GLIS1: variants seen among roughly 807,000 people sequenced by gnomAD.
GLIS1 encodes the protein zinc finger protein GLIS1.
Under a neutral mutation model 63.8 loss-of-function variants are expected in GLIS1, and 24 were observed. That is an observed-to-expected ratio of 0.38 (90% CI 0.27 to 0.53). GLIS1 has a LOEUF of 0.53. Among genes scored for constraint, GLIS1 ranks in the 20% least tolerant of loss-of-function variants. The pLI is 0.85. For synonymous variants in GLIS1, 450 were observed against 482.5 expected (o/e 0.93, Z 0.88); for missense variants, 1,036 against 1,074.1 (o/e 0.96, Z 0.50).
chr1:53,675,616 C>T (rs1646202821), intron 2 of GLIS1, among the ~76,000 whole-genome samples: 1 of 152,170 alleles, frequency 6.6e-6, no homozygotes, highest in South Asian at 2.1e-4. Context: ...TGTCACTGAC[C>T]ACCTCTCACA....
intron 4 of GLIS1, among the ~76,000 whole-genome samples, chr1:53,530,920 G>A (rs1644523218): frequency 6.6e-6 from 1 of 152,246 alleles, no homozygotes; most frequent in African/African-American, 2.4e-5. Context: ...GGTGGGAGGA[G>A]GGGACCAGCG....
chr1:53,691,350 C>T (rs960757782), intron 2 of GLIS1, among the ~76,000 whole-genome samples: 1 of 152,176 alleles, frequency 6.6e-6, no homozygotes, highest in Non-Finnish European at 1.5e-5. Flanking sequence ...ATCATCCCCC[C>T]TCCCACCACC....
rs538716078 is a variant in GLIS1, at chr1:53,644,893, G to A, written c.260-44615C>T. 1.9e-4 allele frequency among the ~76,000 whole-genome samples: 29 copies of A among 152,302 alleles called. No individual in the cohort carries two copies. The South Asian group carries it at 5.0e-3, about 26-fold the overall frequency. ...GTATAAAAGGATCACGCAGGCTGCT[G>A]TGCTGAAAGCAGACTGTCTCGCTTA... On this transcript the variant is annotated intron_variant, in intron 2 of 10. Coordinates refer to ENST00000628545, the MANE Select transcript of GLIS1 (RefSeq NM_001367484.1).
chr1:53,614,072 T>C (rs1438227434), intron 2 of GLIS1, among the ~76,000 whole-genome samples: 1 of 152,174 alleles, frequency 6.6e-6, no homozygotes, highest in Non-Finnish European at 1.5e-5. Context: ...ATGTTAACAA[T>C]TCATTCATTT....
chr1:53,609,266 C>CTTTTTTTTTTTTTTTTTTTTTTTT (rs1221426769), intron 2 of GLIS1, among the ~76,000 whole-genome samples: 1 of 81,378 alleles, frequency 1.2e-5, no homozygotes, highest in Non-Finnish European at 2.1e-5. Context: ...GGGTTTAAAT[C>CTTTTTTTTTTTTTTTTTTTTTTTT]TTTTTTTTTT....
At chr1:53,629,568 G>A (rs755345340) in intron 2 of GLIS1, among the ~76,000 whole-genome samples, 3 of 152,130 alleles carry the variant, frequency 2.0e-5, no homozygotes, top group Admixed American at 6.6e-5. Context: ...CTTCCCCAGC[G>A]TGCCACCACC....
intron 4 of GLIS1, among the ~76,000 whole-genome samples, chr1:53,583,558 T>A (rs928888129): frequency 6.6e-6 from 1 of 152,190 alleles, no homozygotes; most frequent in Admixed American, 6.5e-5. Context: ...TGTCTGAGCT[T>A]ATGTCCCAAC....
Position 53,701,928 on chromosome 1 carries a change from G to A in GLIS1, c.259+35878C>T, listed in dbSNP as rs577454241. 3.6e-3 allele frequency among the ~76,000 whole-genome samples: 548 copies of A among 150,732 alleles called. 1 individual carries two copies. Among genetic ancestry groups the A allele is most frequent in the African/African-American group, 0.013 (531 of 40,844 alleles). On this transcript the variant is annotated intron_variant, in intron 2 of 10. Transcript: ENST00000628545. The stretch of plus-strand genomic sequence containing the variant: ...GAATCACCTGAACCCGAGAGGCAGA[G>A]GTTGCACTGAGCTGAGATTATACCA...
At chr1:53,722,629 C>T (rs1333149937) in intron 2 of GLIS1, among the ~76,000 whole-genome samples, 1 of 151,992 alleles carries the variant, frequency 6.6e-6, no homozygotes, top group East Asian at 1.9e-4. Flanking sequence ...TTGCTTGAAC[C>T]CAGGAATTCA....
At chr1:53,532,024 C>T (rs377329971) in intron 4 of GLIS1, among the ~76,000 whole-genome samples, 103 of 152,248 alleles carry the variant, frequency 6.8e-4, no homozygotes, top group Middle Eastern at 6.8e-3. Flanking sequence ...GGGTTCATTA[C>T]GCTGGGGGTG....
chr1:53,539,813 C>A lies in GLIS1; in HGVS notation c.1321-9861G>T, dbSNP rs768121183. ...GTTCACTGAGGGGCTGGGTCCACTGCGCCTCCTGACCTCTGAGTGGTGGCT... is the reference window on the plus strand; with the variant it reads ...GTTCACTGAGGGGCTGGGTCCACTGAGCCTCCTGACCTCTGAGTGGTGGCT... On this transcript the variant is annotated intron_variant, in intron 4 of 10. Coordinates refer to ENST00000628545, the MANE Select transcript of GLIS1 (RefSeq NM_001367484.1). The surrounding 1 kb of genome is among the most constrained non-coding windows in gnomAD (Gnocchi z 5.0). 6.6e-6 allele frequency among the ~76,000 whole-genome samples: 1 copy of A among 152,162 alleles called. No homozygotes were observed. The highest frequency in any genetic ancestry group is 2.4e-5 in the African/African-American group (1 of 41,422).
At chr1:53,531,138 C>T (rs1644525737) in intron 4 of GLIS1, among the ~76,000 whole-genome samples, 1 of 152,234 alleles carries the variant, frequency 6.6e-6, no homozygotes, top group Non-Finnish European at 1.5e-5. Flanking sequence ...ATGCCTGCTG[C>T]CTTCCTAGGG....
intron 2 of GLIS1, among the ~76,000 whole-genome samples, chr1:53,650,743 A>G (rs6697692): frequency 0.53 from 81,006 of 152,060 alleles, 23,352 homozygotes; most frequent in Non-Finnish European, 0.63. Flanking sequence ...GTAATTACAG[A>G]CTAAAGAGAT....
intron 2 of GLIS1, among the ~76,000 whole-genome samples, chr1:53,699,701 C>T (rs902440583): frequency 6.6e-6 from 1 of 152,140 alleles, no homozygotes; most frequent in Non-Finnish European, 1.5e-5. Context: ...GCTGCAAGTC[C>T]GGGATCAAGA....
chr1:53,627,190 G>A (rs1645603980), intron 2 of GLIS1, among the ~76,000 whole-genome samples: 1 of 152,176 alleles, frequency 6.6e-6, no homozygotes, highest in Non-Finnish European at 1.5e-5. Flanking sequence ...AGAGCTGAAC[G>A]CTAGGTAGTC....
chr1:53,594,987 TGACCTG>T lies in GLIS1; in HGVS notation c.438-3_440del. ...TCACATACGTGGCCTGGGGTCTAGG[TGACCTG>T]GAAGACAGTGCCCAGAGAGGTCATG... On this transcript the variant is annotated splice_acceptor_variant and splice_polypyrimidine_tract_variant and coding_sequence_variant and intron_variant, in exon 4 of 11. Transcript: ENST00000628545. LOFTEE classifies it high-confidence loss of function. 7.0e-7 allele frequency: 1 copy of T among 1,424,910 alleles called. No individual in the cohort carries two copies. The highest frequency in any genetic ancestry group is 9.1e-7 in the Non-Finnish European group (1 of 1,094,678). 88.3% of individuals were successfully genotyped at this position (1,424,910 alleles called of 1,614,324 possible). A position where few individuals can be genotyped will look rare whatever the true frequency, so the allele number is the denominator to read the frequency against.
intron 4 of GLIS1, among the ~76,000 whole-genome samples, chr1:53,557,868 T>C (rs914929857): frequency 6.6e-6 from 1 of 152,362 alleles, no homozygotes; most frequent in African/African-American, 2.4e-5. Context: ...ATCCATTCCA[T>C]ATGCCCCTCT....
At chr1:53,569,092 ACT>A (rs1030071516) in intron 4 of GLIS1, among the ~76,000 whole-genome samples, 2 of 152,210 alleles carry the variant, frequency 1.3e-5, no homozygotes, top group African/African-American at 4.8e-5. Context: ...ACCATATGAC[ACT>A]CTGAAAAAGT....
At chr1:53,605,158 T>C (rs12062528) in intron 2 of GLIS1, among the ~76,000 whole-genome samples, 122,271 of 151,946 alleles carry the variant, frequency 0.8, 53,991 homozygotes, top group Non-Finnish European at 0.99. Flanking sequence ...GCTGAGGGTG[T>C]GAAATCACTG....
Sources: gnomAD v4.1 joint callset for allele counts (sites outside exome capture counted in the v4.1 genomes callset) on GRCh38, gnomAD v4.1.1 for gene constraint, Gnocchi (gnomAD v3.1) non-coding constraint, MANE v1.5 for transcripts, NCBI Gene and HGNC (gene_info 2026-07-23, HGNC 2026-07-21) for gene names.